CTNNA3: variants seen among roughly 807,000 people sequenced by gnomAD.
The protein encoded by CTNNA3 is catenin alpha 3.
CTNNA3 carries 76 observed loss-of-function variants against 95.7 expected under a neutral mutation model. The observed-to-expected ratio is 0.79, with a 90% CI of 0.66 to 0.96. CTNNA3 has a LOEUF of 0.96. Ranked by LOEUF, CTNNA3 falls within the 40% of genes least tolerant of loss-of-function variation. CTNNA3 has a pLI of 0.00. For missense variants in CTNNA3, 1,191 were observed against 1,089.8 expected, an observed-to-expected ratio of 1.09 and a Z score of -1.31; for synonymous variants, 431 against 374.4, an observed-to-expected ratio of 1.15 and a Z score of -1.74.
At chr10:66,472,894 T>C (rs564305685) in intron 11 of CTNNA3, among the ~76,000 whole-genome samples, 1 of 151,938 alleles carries the variant, frequency 6.6e-6, no homozygotes, top group African/African-American at 2.4e-5. Flanking sequence ...TTCAACACTA[T>C]CTCAATATGT....
chr10:67,176,115 G>T (rs1388596910), intron 7 of CTNNA3, among the ~76,000 whole-genome samples: 1 of 151,964 alleles, frequency 6.6e-6, no homozygotes, highest in Non-Finnish European at 1.5e-5. Flanking sequence ...TATTTTTAAT[G>T]AATAAAAATC....
intron 11 of CTNNA3, among the ~76,000 whole-genome samples, chr10:66,487,093 G>A (rs10997173): frequency 0.085 from 12,438 of 146,274 alleles, 1,201 homozygotes; most frequent in East Asian, 0.33. Flanking sequence ...TCTGTTATAA[G>A]ACGAATAAGT....
At chr10:67,721,997 T>C (rs1841182083) in intron 1 of CTNNA3, among the ~76,000 whole-genome samples, 1 of 151,984 alleles carries the variant, frequency 6.6e-6, no homozygotes, top group African/African-American at 2.4e-5. Context: ...GAGGTTCAGT[T>C]GGAAATGCAG....
chr10:67,484,302 A>G (rs187646598), intron 5 of CTNNA3, among the ~76,000 whole-genome samples: 1 of 152,338 alleles, frequency 6.6e-6, no homozygotes, highest in East Asian at 1.9e-4. Context: ...CTTATCTTTA[A>G]CCACATATAA....
chr10:66,257,381 A>G (rs1385752192), intron 13 of CTNNA3, among the ~76,000 whole-genome samples: 3 of 152,194 alleles, frequency 2.0e-5, no homozygotes, highest in African/African-American at 7.2e-5. Context: ...TCCCTTGTAA[A>G]ATGGAAGGCT....
chr10:66,833,485 T>C (rs1234566802), intron 7 of CTNNA3, among the ~76,000 whole-genome samples: 1 of 152,220 alleles, frequency 6.6e-6, no homozygotes, highest in Non-Finnish European at 1.5e-5. Context: ...CAAAGTATTT[T>C]ATGCACATTA....
intron 1 of CTNNA3, among the ~76,000 whole-genome samples, chr10:67,707,323 T>A (rs1343394953): frequency 6.6e-6 from 1 of 152,106 alleles, no homozygotes; most frequent in African/African-American, 2.4e-5. Flanking sequence ...TTACCTCAAC[T>A]CACAACATTC....
At chr10:67,269,998 A>C (rs560025655) in intron 5 of CTNNA3, among the ~76,000 whole-genome samples, 1 of 152,134 alleles carries the variant, frequency 6.6e-6, no homozygotes, top group Non-Finnish European at 1.5e-5. Context: ...GCATTTGTAT[A>C]TGATGGGTTT....
At chr10:66,368,799 A>G (rs2092731915) in intron 12 of CTNNA3, among the ~76,000 whole-genome samples, 1 of 152,168 alleles carries the variant, frequency 6.6e-6, no homozygotes, top group South Asian at 2.1e-4. Context: ...TTCATTTTTT[A>G]TCAACATCCA....
At chr10:67,694,021 C>T (rs1289184251) in intron 1 of CTNNA3, among the ~76,000 whole-genome samples, 1 of 152,172 alleles carries the variant, frequency 6.6e-6, no homozygotes, top group Non-Finnish European at 1.5e-5. Flanking sequence ...CAAAGATTCA[C>T]AATAAGTAAA....
At chr10:67,569,374 A>G (rs750324545) in intron 3 of CTNNA3, among the ~76,000 whole-genome samples, 1 of 152,162 alleles carries the variant, frequency 6.6e-6, no homozygotes, top group Non-Finnish European at 1.5e-5. Flanking sequence ...CAGTAATTCC[A>G]GTTTTTAAAG....
chr10:66,336,123 G>A lies in CTNNA3; in HGVS notation c.1732+43029C>T, dbSNP rs141926998. The stretch of plus-strand genomic sequence containing the variant: ...GGAGTGACCCGATTTTCCAGGTGCC[G>A]TCTGTCACCCCTTTCTTTGACTAGG... On this transcript the variant is annotated intron_variant, in intron 12 of 17. Transcript: ENST00000433211. Among the ~76,000 whole-genome samples the A allele has an allele frequency of 4.2e-3, 636 of 152,120 alleles. 5 individuals are homozygous for A. The highest frequency in any genetic ancestry group is 0.014 in the African/African-American group (573 of 41,530).
chr10:67,727,911 G>GTATAATATAGTA (rs1841249882), intron 1 of CTNNA3, among the ~76,000 whole-genome samples: 1 of 105,430 alleles, frequency 9.5e-6, no homozygotes, highest in African/African-American at 4.7e-5. Context: ...AATATATTAT[G>GTATAATATAGTA]TATATTATAT....
intron 10 of CTNNA3, among the ~76,000 whole-genome samples, chr10:66,542,850 C>G (rs1031287378): frequency 6.6e-6 from 1 of 151,830 alleles, no homozygotes. Flanking sequence ...AACAAGCCTG[C>G]ACGTTGTGCA....
chr10:67,048,804 C>A (rs867441529), intron 7 of CTNNA3, among the ~76,000 whole-genome samples: 7 of 151,988 alleles, frequency 4.6e-5, no homozygotes, highest in Admixed American at 4.6e-4. Flanking sequence ...TATTATATCT[C>A]ATAACATAAT....
At chr10:67,535,373 C>T (rs1331460050) in intron 4 of CTNNA3, among the ~76,000 whole-genome samples, 3 of 151,600 alleles carry the variant, frequency 2.0e-5, no homozygotes, top group South Asian at 4.2e-4. Flanking sequence ...AAGACAAAAT[C>T]GAGAGTCAAA....
chr10:66,346,126 G>T (rs2092508695), intron 12 of CTNNA3, among the ~76,000 whole-genome samples: 1 of 147,706 alleles, frequency 6.8e-6, no homozygotes, highest in African/African-American at 2.5e-5. Flanking sequence ...ATTGCCTTCT[G>T]TTCTCATGTT....
intron 1 of CTNNA3, among the ~76,000 whole-genome samples, chr10:67,704,510 A>G (rs1215680977): frequency 6.6e-6 from 1 of 152,238 alleles, no homozygotes; most frequent in Non-Finnish European, 1.5e-5. Context: ...AAACCTGAGA[A>G]AAACAAGCAA....
At chr10:66,823,309 T>C (rs914391608) in intron 7 of CTNNA3, among the ~76,000 whole-genome samples, 6 of 152,242 alleles carry the variant, frequency 3.9e-5, no homozygotes, top group African/African-American at 1.4e-4. Flanking sequence ...ATAAATTCCA[T>C]GTCATCACCA....
Sources: gnomAD v4.1 joint callset for allele counts (sites outside exome capture counted in the v4.1 genomes callset) on GRCh38, gnomAD v4.1.1 for gene constraint, MANE v1.5 for transcripts, NCBI Gene and HGNC (gene_info 2026-07-23, HGNC 2026-07-21) for gene names.